The following JARID2 variants were observed in gnomAD, a reference collection of about 807,000 sequenced individuals.
JARID2 encodes jumonji and AT-rich interaction domain containing 2.
JARID2 carries 21 observed loss-of-function variants against 125.6 expected under a neutral mutation model. That is an observed-to-expected ratio of 0.17 (90% CI 0.12 to 0.24). JARID2 has a LOEUF of 0.24. JARID2 is among the 10% of genes least tolerant of loss of function. JARID2 has a pLI of 1.00. For missense variants in JARID2, 1,303 were observed against 1,639.6 expected, an observed-to-expected ratio of 0.79 and a Z score of 3.55; for synonymous variants, 736 against 661.6, an observed-to-expected ratio of 1.11 and a Z score of -1.73.
At position 15,361,981 on chromosome 6, in the gene JARID2, T is replaced by C. The variant is rs180894694; in HGVS notation, c.46-12136T>C. 2.3e-3 allele frequency among the ~76,000 whole-genome samples: 345 copies of C among 148,916 alleles called. 1 individual carries two copies. Among genetic ancestry groups the C allele is most frequent in the African/African-American group, 7.7e-3 (312 of 40,464 alleles). ...TGTGATCTCAGCTCACTGCAAACTC[T>C]GCCTTCTGGGTTCAAGTGATTCTCA... On this transcript the variant is annotated intron_variant, in intron 1 of 17. Coordinates refer to ENST00000341776, the MANE Select transcript of JARID2 (RefSeq NM_004973.4).
At chr6:15,348,743 G>T (rs757243358) in intron 1 of JARID2, among the ~76,000 whole-genome samples, 11 of 152,210 alleles carry the variant, frequency 7.2e-5, no homozygotes, top group Admixed American at 2.6e-4. Flanking sequence ...TGCAGACCCA[G>T]CTCCCAGCTA....
chr6:15,353,264 G>A (rs1471954781), intron 1 of JARID2, among the ~76,000 whole-genome samples: 1 of 152,102 alleles, frequency 6.6e-6, no homozygotes, highest in Non-Finnish European at 1.5e-5. Context: ...GTATCGCATT[G>A]CTGTTTTAAT....
At chr6:15,512,470 C>T (rs1034502779) in intron 14 of JARID2, 80 bp downstream of exon 14, 4 of 1,295,518 alleles carry the variant, frequency 3.1e-6, no homozygotes, top group Non-Finnish European at 4.4e-6. Context: ...AGAAGCATCC[C>T]TGCGTGTGCG....
chr6:15,449,910 C>T (rs1312154968), intron 3 of JARID2, among the ~76,000 whole-genome samples: 1 of 152,036 alleles, frequency 6.6e-6, no homozygotes, highest in African/African-American at 2.4e-5. Flanking sequence ...ATTGGAAATT[C>T]CTCATAACAT....
intron 1 of JARID2, among the ~76,000 whole-genome samples, chr6:15,288,512 C>T (rs888851831): frequency 7.2e-5 from 11 of 152,166 alleles, no homozygotes; most frequent in South Asian, 4.1e-4. Context: ...CTATATCAAG[C>T]GAGTGCCCAA....
intron 1 of JARID2, among the ~76,000 whole-genome samples, chr6:15,309,421 G>A (rs186231390): frequency 5.2e-4 from 79 of 152,146 alleles, no homozygotes; most frequent in Non-Finnish European, 9.0e-4. Context: ...TGGCCACAAG[G>A]ATGTGTAGTA....
At chr6:15,258,731 G>C (rs962237189) in intron 1 of JARID2, among the ~76,000 whole-genome samples, 2 of 152,146 alleles carry the variant, frequency 1.3e-5, no homozygotes, top group African/African-American at 4.8e-5. Context: ...GCAGTGAGCC[G>C]AGATTGCGCC....
chr6:15,265,492 A>G (rs912127167), intron 1 of JARID2, among the ~76,000 whole-genome samples: 2 of 152,030 alleles, frequency 1.3e-5, no homozygotes, highest in African/African-American at 4.8e-5. Context: ...GATTTCAAAT[A>G]TCTGTGCAGT....
rs200784767 is a variant in JARID2, at chr6:15,513,311, C to G, written c.3339C>G (p.His1113Gln). 20 of 1,607,766 alleles carry G rather than the reference C, an allele frequency of 1.2e-5. No individual in the cohort carries two copies. The highest frequency in any genetic ancestry group is 1.7e-5 in the Non-Finnish European group (20 of 1,177,816). Residue 1113 changes from histidine to glutamine, a missense_variant, in exon 16 of 18, where the codon CAC becomes CAG. Coordinates refer to ENST00000341776, the MANE Select transcript of JARID2 (RefSeq NM_004973.4). ...ACTCCTCCGCACGCTATGGCAGCCA[C>G]GATGGCAGCAGCACGGTGGCGGACG... ...GLHSSARYGS[H>Q]DGSSTVADGK...
At chr6:15,309,239 G>A (rs1309299027) in intron 1 of JARID2, among the ~76,000 whole-genome samples, 1 of 152,018 alleles carries the variant, frequency 6.6e-6, no homozygotes, top group Admixed American at 6.6e-5. Context: ...AAAATCCTGT[G>A]TTCCCTCAGT....
chr6:15,503,152 G>A (rs1009548997), intron 8 of JARID2, among the ~76,000 whole-genome samples: 5 of 152,270 alleles, frequency 3.3e-5, no homozygotes, highest in South Asian at 4.2e-4. Flanking sequence ...CCCAGCAGCC[G>A]TGTGCCCACG....
chr6:15,511,248 G>A (rs370835091), intron 12 of JARID2, 48 bp from the exon 13 acceptor site: 9 of 1,303,636 alleles, frequency 6.9e-6, no homozygotes, highest in Admixed American at 1.7e-5. Flanking sequence ...ACATGCAGGA[G>A]GCCCTTGTCA....
chr6:15,520,670 A>C lies in JARID2; in HGVS notation c.*419A>C. 3.2e-6 allele frequency: 1 copy of C among 308,594 alleles called. No individual in the cohort carries two copies. The highest frequency in any genetic ancestry group is 3.8e-5 in the Admixed American group (1 of 26,598). 19.1% of individuals were successfully genotyped at this position (308,594 alleles called of 1,614,324 possible). On this transcript the variant is annotated 3_prime_UTR_variant, in exon 18 of 18. Transcript: ENST00000341776. ...CAGTCATGTGAGCAGATTTTTTAGA[A>C]GGGATAGGAGACACACGCGCACACA...
chr6:15,310,636 A>C (rs777176968), intron 1 of JARID2, among the ~76,000 whole-genome samples: 4 of 152,164 alleles, frequency 2.6e-5, no homozygotes, highest in Admixed American at 6.6e-5. Flanking sequence ...GCCCTTCTAC[A>C]TAAGCATCTG....
At chr6:15,410,688 A>G (rs1451221419) in intron 3 of JARID2, among the ~76,000 whole-genome samples, 1 of 152,180 alleles carries the variant, frequency 6.6e-6, no homozygotes, top group Non-Finnish European at 1.5e-5. Flanking sequence ...TGAGGAATAT[A>G]TATATTAGGT....
intron 3 of JARID2, among the ~76,000 whole-genome samples, chr6:15,420,255 T>C (rs1009618824): frequency 3.9e-5 from 6 of 152,094 alleles, no homozygotes; most frequent in African/African-American, 1.4e-4. Context: ...ATACAAAAAT[T>C]AGCTGGGCGT....
intron 1 of JARID2, among the ~76,000 whole-genome samples, chr6:15,313,147 C>T (rs1290392466): frequency 6.6e-6 from 1 of 152,054 alleles, no homozygotes; most frequent in East Asian, 1.9e-4. Context: ...TTACACCTGT[C>T]CTCTGCTTCC....
intron 1 of JARID2, among the ~76,000 whole-genome samples, chr6:15,313,643 A>G (rs899120157): frequency 6.6e-6 from 1 of 152,092 alleles, no homozygotes; most frequent in African/African-American, 2.4e-5. Context: ...GAAATGGTGT[A>G]TGTTTCTTGT....
At chr6:15,397,012 A>C (rs930033453) in intron 2 of JARID2, among the ~76,000 whole-genome samples, 3 of 152,234 alleles carry the variant, frequency 2.0e-5, no homozygotes, top group Non-Finnish European at 4.4e-5. Context: ...TACAAAGTTC[A>C]GCACTGTTGG....
Sources: allele counts gnomAD v4.1 joint callset (sites outside exome capture counted in the v4.1 genomes callset), GRCh38; gene constraint gnomAD v4.1.1; transcripts MANE v1.5; gene names NCBI Gene and HGNC (gene_info 2026-07-23, HGNC 2026-07-21).